PTK2: variants seen among roughly 807,000 people sequenced by gnomAD.
PTK2 encodes protein tyrosine kinase 2.
A neutral mutation model predicts 150.1 loss-of-function variants in PTK2; 45 were observed. The ratio of observed to expected loss-of-function variants is 0.30; its 90% CI spans 0.24 to 0.38. The LOEUF (loss-of-function observed/expected upper bound fraction) is 0.38. Among genes scored for constraint, PTK2 ranks in the 10% least tolerant of loss-of-function variants. The pLI, the probability that PTK2 is intolerant of heterozygous loss-of-function variation, is 1.00. For missense variants in PTK2, 919 were observed against 1,307.3 expected (o/e 0.70, Z 4.58); for synonymous variants, 432 against 449.2 (o/e 0.96, Z 0.48).
chr8:140,674,283 G>A lies in PTK2; in HGVS notation c.2709+15C>T. 2.5e-6 allele frequency: 4 copies of A among 1,590,614 alleles called. No individual in the cohort carries two copies. Among genetic ancestry groups the A allele is most frequent in the Non-Finnish European group, 3.4e-6 (4 of 1,166,206 alleles). ...TCCTGCAAGCAGAAGGTGCTGCACA[G>A]GCTCAGATGCCCACCTTGACACCCT... On this transcript the variant is annotated intron_variant, in intron 29 of 31. Transcript: ENST00000522684.
rs558282335 is a variant in PTK2, at chr8:140,812,354, AGAAATTT to A, written c.867+5916_867+5922del. Reference sequence around the variant, plus strand: ...TCCTTTTCAGACAAGCAAATGCTGAAGAAATTTGTTACCATGAGACCTGCCTTACAAG... The same window carrying A: ...TCCTTTTCAGACAAGCAAATGCTGAAGTTACCATGAGACCTGCCTTACAAG... On this transcript the variant is annotated intron_variant, in intron 10 of 31. Coordinates refer to ENST00000522684, the Ensembl canonical transcript of PTK2. Among the ~76,000 whole-genome samples the A allele has an allele frequency of 1.7e-4, 26 of 152,330 alleles. No individual in the cohort carries two copies. The East Asian group carries it at 5.0e-3, about 29-fold the overall frequency.
At chr8:140,659,731 C>A in intron 31 of PTK2, 53 bp from the exon 36 acceptor site, 2 of 1,400,822 alleles carry the variant, frequency 1.4e-6, no homozygotes, top group Non-Finnish European at 2.0e-6. Context: ...TTTTTTTTTT[C>A]TTTTTTAGAG....
At chr8:140,904,519 G>C (rs2100160076) in intron 2 of PTK2, among the ~76,000 whole-genome samples, 1 of 152,154 alleles carries the variant, frequency 6.6e-6, no homozygotes, top group Non-Finnish European at 1.5e-5. Flanking sequence ...CATAAAATGA[G>C]TTAGGGAAGA....
chr8:140,678,932 T>TA (rs2100015402), intron 27 of PTK2, among the ~76,000 whole-genome samples: 1 of 150,806 alleles, frequency 6.6e-6, no homozygotes, highest in Non-Finnish European at 1.5e-5. Flanking sequence ...TTTTTTAATT[T>TA]AAAAAATTTT....
At chr8:140,665,109 T>C (rs1036448342) in intron 30 of PTK2, 112 bp from the exon 35 acceptor site, 16 of 986,784 alleles carry the variant, frequency 1.6e-5, no homozygotes, top group African/African-American at 8.2e-5. Flanking sequence ...AATTTCTGTA[T>C]TTCTTTTTCT....
chr8:140,884,123 C>T (rs1051559680), intron 3 of PTK2, among the ~76,000 whole-genome samples: 3 of 152,124 alleles, frequency 2.0e-5, no homozygotes, highest in African/African-American at 7.2e-5. Flanking sequence ...GCCTTCATCA[C>T]GCCTACAAGT....
At chr8:140,691,094 T>C (rs1262072262) in intron 26 of PTK2, among the ~76,000 whole-genome samples, 1 of 152,046 alleles carries the variant, frequency 6.6e-6, no homozygotes, top group Admixed American at 6.5e-5. Context: ...AAATCCCTCA[T>C]AAATAGGCTG....
chr8:140,738,953 AT>A (rs11464275), intron 21 of PTK2, 64 bp downstream of exon 24: 202 of 1,079,370 alleles, frequency 1.9e-4, no homozygotes, highest in South Asian at 3.4e-4. Flanking sequence ...AAAAGAGATA[AT>A]TTTTTTTTGT....
chr8:140,910,630 C>T (rs558968832), intron 2 of PTK2, among the ~76,000 whole-genome samples: 7 of 152,214 alleles, frequency 4.6e-5, no homozygotes, highest in African/African-American at 1.4e-4. Flanking sequence ...AAGAATACAG[C>T]GAATGGGGAT....
In PTK2 at chr8:140,686,334, T is replaced by G. The variant is rs76493539; in HGVS notation, c.2562+298A>C. 1.4e-3 allele frequency among the ~76,000 whole-genome samples: 211 copies of G among 152,144 alleles called. 1 individual carries two copies. In the East Asian group the frequency reaches 0.036, roughly 26 times the overall value. ...TCACCTGGGTGCCAAATGACCTGTA[T>G]AACAAACCCTTGCAACATGCGATTT... On this transcript the variant is annotated intron_variant, in intron 27 of 31. Transcript: ENST00000522684.
intron 29 of PTK2, 25 bp from the exon 33 acceptor site, chr8:140,669,760 A>T (rs898762956): frequency 6.5e-7 from 1 of 1,530,164 alleles, no homozygotes; most frequent in African/African-American, 1.4e-5. Context: ...AAGGTGAGGA[A>T]AAGTTAAAGG....
At chr8:140,668,193 G>C in intron 30 of PTK2, 76 bp downstream of exon 34, 2 of 1,557,178 alleles carry the variant, frequency 1.3e-6, no homozygotes, top group Non-Finnish European at 1.8e-6. Context: ...GGGACCTAGA[G>C]ACATCTATCA....
At chr8:140,749,855 T>C (rs1377863263) in intron 17 of PTK2, among the ~76,000 whole-genome samples, 3 of 152,238 alleles carry the variant, frequency 2.0e-5, no homozygotes, top group East Asian at 3.8e-4. Flanking sequence ...TTAGTCCGAC[T>C]TGACTACTCC....
At chr8:140,929,201 G>A (rs185274835) in intron 1 of PTK2, among the ~76,000 whole-genome samples, 1 of 151,392 alleles carries the variant, frequency 6.6e-6, no homozygotes, top group Non-Finnish European at 1.5e-5. Flanking sequence ...TCCTGACCTC[G>A]TGATCCGCCC....
Position 140,842,607 on chromosome 8 carries a change from G to A in PTK2, c.593+3653C>T, listed in dbSNP as rs566212182. Among the ~76,000 whole-genome samples the A allele has an allele frequency of 2.6e-5, 4 of 152,016 alleles. No homozygotes were observed. The South Asian group carries it at 6.2e-4, about 24-fold the overall frequency. ...TTGGCAAATAGAATAGTCAAGGTGC[G>A]ATAAGGACTTGAACCCAGATATTCT... On this transcript the variant is annotated intron_variant, in intron 7 of 31. Coordinates refer to ENST00000522684, the Ensembl canonical transcript of PTK2.
At chr8:140,995,110 G>A (rs114741322) in intron 1 of PTK2, among the ~76,000 whole-genome samples, 4,836 of 149,916 alleles carry the variant, frequency 0.032, 269 homozygotes, top group African/African-American at 0.11. Context: ...GGACGGGCAC[G>A]TGGCTCACTC....
intron 1 of PTK2, among the ~76,000 whole-genome samples, chr8:140,949,170 T>A (rs576582111): frequency 6.6e-6 from 1 of 151,954 alleles, no homozygotes; most frequent in South Asian, 2.1e-4. Context: ...CTTATGATCT[T>A]CTTAATATTT....
At position 140,715,174 on chromosome 8, in the gene PTK2, T is replaced by G. The variant is rs1260616807; in HGVS notation, c.2142+2424A>C. Among the ~76,000 whole-genome samples, 533 of 128,952 alleles carry G rather than the reference T, an allele frequency of 4.1e-3. 6 individuals carry two copies. Among genetic ancestry groups the G allele is most frequent in the Non-Finnish European group, 6.4e-3 (393 of 61,270 alleles). 84.6% of individuals were successfully genotyped at this position (128,952 alleles called of 152,430 possible). A position where few individuals can be genotyped will look rare whatever the true frequency, so the allele number is the denominator to read the frequency against. On this transcript the variant is annotated intron_variant, in intron 23 of 31. Coordinates refer to ENST00000522684, the Ensembl canonical transcript of PTK2. ...AAAACCGTTTTTTTTTTTTTTTTTTTTTTTTTTTTTTTTTTTTTGAGAGAG... is the reference window on the plus strand; with the variant it reads ...AAAACCGTTTTTTTTTTTTTTTTTTGTTTTTTTTTTTTTTTTTTGAGAGAG...
chr8:140,943,868 TATGAAATGG>T (rs1450343297), intron 1 of PTK2, among the ~76,000 whole-genome samples: 1 of 152,252 alleles, frequency 6.6e-6, no homozygotes, highest in Non-Finnish European at 1.5e-5. Flanking sequence ...CTCTCATTCA[TATGAAATGG>T]ATGAAATGTC....
Sources: allele counts gnomAD v4.1 joint callset (sites outside exome capture counted in the v4.1 genomes callset), GRCh38; gene constraint gnomAD v4.1.1; transcripts MANE v1.5; gene names NCBI Gene and HGNC (gene_info 2026-07-23, HGNC 2026-07-21).